Variants in NUP88 observed in about 807,000 individuals in gnomAD.
NUP88 encodes the protein nuclear pore complex protein Nup88.
In NUP88, 57 loss-of-function variants were observed where a neutral mutation model predicts 93.9. That is an observed-to-expected ratio of 0.61 (90% CI 0.49 to 0.76). NUP88 has a LOEUF of 0.76. Among genes scored for constraint, NUP88 ranks in the 30% least tolerant of loss-of-function variants. NUP88 has a pLI of 0.00. For missense variants in NUP88, 911 were observed against 901.0 expected, an observed-to-expected ratio of 1.01 and a Z score of -0.14; for synonymous variants, 346 against 336.8, an observed-to-expected ratio of 1.03 and a Z score of -0.30.
chr17:5,396,183 C>T (rs540602078), intron 8 of NUP88, among the ~76,000 whole-genome samples: 57 of 152,150 alleles, frequency 3.7e-4, no homozygotes, highest in African/African-American at 1.3e-3. Flanking sequence ...TGCACCCCAG[C>T]CTGGGCAACA....
At chr17:5,399,530 T>C in intron 8 of NUP88, 22 bp downstream of exon 8, 1 of 1,209,982 alleles carries the variant, frequency 8.3e-7, no homozygotes, top group Non-Finnish European at 1.2e-6. Flanking sequence ...CTATTAAAAG[T>C]GCAGAGAGTT....
chr17:5,397,219 A>G (rs2151638386), intron 8 of NUP88, among the ~76,000 whole-genome samples: 1 of 152,300 alleles, frequency 6.6e-6, no homozygotes, highest in African/African-American at 2.4e-5. Flanking sequence ...TCACTCCTGT[A>G]GTCCCAGATA....
rs1914163578 is a variant in NUP88 at position 5,416,598 on chromosome 17, T to C, written c.382A>G (p.Ile128Val). 2.5e-6 allele frequency: 4 copies of C among 1,612,462 alleles called. No homozygotes were observed. Among genetic ancestry groups the C allele is most frequent in the Non-Finnish European group, 3.4e-6 (4 of 1,179,204 alleles). Reference protein sequence around the residue: ...PTQHHVALIGIKGLMVLELPK... With the variant: ...PTQHHVALIGVKGLMVLELPK... Reference sequence around the variant, plus strand: ...AATTCTAATACCATAAGTCCTTTTATTCCTATAAGTGCTACATGATGTTGT... The same window carrying C: ...AATTCTAATACCATAAGTCCTTTTACTCCTATAAGTGCTACATGATGTTGT... Residue 128 changes from isoleucine to valine, a missense_variant, in exon 2 of 17, where the codon ATA (isoleucine) becomes GTA (valine). Ile to Val is a conservative substitution (Grantham distance 29). Transcript: ENST00000573584.
chr17:5,405,023 G>C lies in NUP88; in HGVS notation c.1044+34C>G, dbSNP rs573858619. The C allele has an allele frequency of 1.3e-5, 21 of 1,588,852 alleles. No individual in the cohort carries two copies. The Admixed American group carries it at 2.1e-4, about 16-fold the overall frequency. Reference sequence around the variant, plus strand: ...TGGGTCAGGAACTATGCCAGGTGTTGAAGATACAAACAACCACAGCAGCCT... The same window carrying C: ...TGGGTCAGGAACTATGCCAGGTGTTCAAGATACAAACAACCACAGCAGCCT... On this transcript the variant is annotated intron_variant, in intron 6 of 16. Coordinates refer to ENST00000573584, the MANE Select transcript of NUP88 (RefSeq NM_002532.6).
intron 14 of NUP88, 110 bp downstream of exon 14, chr17:5,387,275 CA>C (rs1912064744): frequency 4.0e-6 from 5 of 1,250,530 alleles, no homozygotes; most frequent in Non-Finnish European, 5.8e-6. Flanking sequence ...AGAGGAGAGG[CA>C]GGGGGATCAG....
chr17:5,387,352 G>A (rs763692644), intron 14 of NUP88, 34 bp downstream of exon 14: 1 of 1,553,058 alleles, frequency 6.4e-7, no homozygotes, highest in South Asian at 1.1e-5. Context: ...GTTAGTACCT[G>A]ACTAGGTAAC....
chr17:5,391,409 G>A, intron 10 of NUP88, 152 bp downstream of exon 10: 1 of 618,214 alleles, frequency 1.6e-6, no homozygotes, highest in South Asian at 1.9e-5. Flanking sequence ...ATGATGGCAG[G>A]AACAGAAATA....
intron 7 of NUP88, among the ~76,000 whole-genome samples, chr17:5,403,893 C>T (rs1913321769): frequency 6.6e-6 from 1 of 152,026 alleles, no homozygotes; most frequent in South Asian, 2.1e-4. Flanking sequence ...GTGATCTGGA[C>T]CAAAGACCAC....
At chr17:5,399,719 T>C in intron 7 of NUP88, 69 bp from the exon 8 acceptor site, 1 of 775,386 alleles carries the variant, frequency 1.3e-6, no homozygotes, top group East Asian at 2.7e-5. Flanking sequence ...CTCAAATTTG[T>C]TGGCTACTCC....
Position 5,408,904 on chromosome 17 carries a change from G to A in NUP88, c.686C>T (p.Ala229Val), listed in dbSNP as rs770092360. 10 of 1,572,768 alleles carry A rather than the reference G, an allele frequency of 6.4e-6. No individual in the cohort carries two copies. In the African/African-American group the frequency reaches 9.7e-5, roughly 15 times the overall value. The change falls in exon 5 of 17, where the codon GCG becomes GTG. Residue 229 changes from alanine to valine, a missense_variant. Coordinates refer to ENST00000573584, the MANE Select transcript of NUP88 (RefSeq NM_002532.6). ...TGTCTCTCCTAGAGATGCGGTATAC[G>A]CCCTTCTGGAAAGAGATGTAAAAAC... ...EESLVLNKGR[A>V]YTASLGETAV...
intron 1 of NUP88, among the ~76,000 whole-genome samples, chr17:5,418,941 A>G (rs368148288): frequency 1.4e-4 from 21 of 152,330 alleles, no homozygotes; most frequent in African/African-American, 5.1e-4. Context: ...CATGTCAAGC[A>G]TGAAGCGTGG....
Position 5,408,745 on chromosome 17 carries a change from C to T in NUP88, c.845G>A (p.Ser282Asn). 1 of 1,604,208 alleles carries T rather than the reference C, an allele frequency of 6.2e-7. No homozygotes were observed. The change falls in exon 5 of 17, where the codon AGT (serine) becomes AAT (asparagine). Residue 282 changes from serine to asparagine, a missense_variant. By Grantham distance (46) the Ser-to-Asn change is conservative. Coordinates refer to ENST00000573584, the MANE Select transcript of NUP88 (RefSeq NM_002532.6). ...CACCTCAACTTACCTGTGTAACAGACTGATGTATGTCAGGAAAGTCTCTCC... is the reference window on the plus strand; with the variant it reads ...CACCTCAACTTACCTGTGTAACAGATTGATGTATGTCAGGAAAGTCTCTCC... Reference protein sequence around the residue: ...ENGETFLTYISLLHSPGNIGK... With the variant: ...ENGETFLTYINLLHSPGNIGK...
chr17:5,413,303 C>T (rs1913948296), intron 3 of NUP88, among the ~76,000 whole-genome samples: 1 of 152,176 alleles, frequency 6.6e-6, no homozygotes, highest in Admixed American at 6.5e-5. Context: ...ACACTGTTTT[C>T]ATAACTAGAA....
chr17:5,389,816 A>C lies in NUP88; in HGVS notation c.1485-856T>G, dbSNP rs530017050. Among the ~76,000 whole-genome samples the C allele has an allele frequency of 3.5e-4, 52 of 150,092 alleles. 2 individuals carry two copies. The South Asian group carries it at 6.5e-3, about 19-fold the overall frequency. On this transcript the variant is annotated intron_variant, in intron 10 of 16. Transcript: ENST00000573584. ...AAAAAGTGAAAGTTCATGAAATAGC[A>C]TAACTTTATAGACAACTTGTATTTC...
At chr17:5,394,534 A>G (rs909057601) in intron 9 of NUP88, among the ~76,000 whole-genome samples, 3 of 152,206 alleles carry the variant, frequency 2.0e-5, no homozygotes, top group Non-Finnish European at 2.9e-5. Flanking sequence ...TATGTGCTAC[A>G]ATGGATAAGA....
chr17:5,393,380 G>C (rs1912564210), intron 9 of NUP88, among the ~76,000 whole-genome samples: 1 of 151,358 alleles, frequency 6.6e-6, no homozygotes, highest in Non-Finnish European at 1.5e-5. Flanking sequence ...ATAGGTGTAA[G>C]CCACCATGCC....
chr17:5,395,326 T>A (rs961934609), intron 8 of NUP88, among the ~76,000 whole-genome samples: 4 of 38,008 alleles, frequency 1.1e-4, no homozygotes, highest in Admixed American at 2.4e-4. Flanking sequence ...GATTTCACAT[T>A]TTTTTTTTGG....
At position 5,399,255 on chromosome 17, in the gene NUP88, T is replaced by TA. The variant is rs368857583; in HGVS notation, c.1291+296_1291+297insT. On this transcript the variant is annotated intron_variant, in intron 8 of 16. Transcript: ENST00000573584. ...CCTGATTGAGTCAGTTTTGGTAGTT[T>TA]TTTTTTTTCTTGGAATTTGTCCATT... Among the ~76,000 whole-genome samples the TA allele has an allele frequency of 3.9e-3, 582 of 151,104 alleles. 3 individuals carry two copies. The highest frequency in any genetic ancestry group is 0.013 in the African/African-American group (550 of 41,170).
chr17:5,403,035 G>A (rs532919272), intron 7 of NUP88, among the ~76,000 whole-genome samples: 22 of 152,234 alleles, frequency 1.4e-4, no homozygotes, highest in Non-Finnish European at 2.8e-4. Context: ...TGTATACAAT[G>A]CCACATTTTA....
Sources: gnomAD v4.1 joint callset for allele counts (sites outside exome capture counted in the v4.1 genomes callset) on GRCh38, gnomAD v4.1.1 for gene constraint, MANE v1.5 for transcripts, NCBI Gene and HGNC (gene_info 2026-07-23, HGNC 2026-07-21) for gene names.